Variants in ZFHX3 observed in about 807,000 individuals in gnomAD.
ZFHX3 encodes the protein zinc finger homeobox protein 3.
In ZFHX3, 42 loss-of-function variants were observed where a neutral mutation model predicts 279.1. The observed-to-expected ratio is 0.15, with a 90% CI of 0.12 to 0.19. The LOEUF is 0.19. Among genes scored for constraint, ZFHX3 ranks in the 10% least tolerant of loss-of-function variants. ZFHX3 has a pLI of 1.00. For missense variants in ZFHX3, 4,981 were observed against 4,754.0 expected (o/e 1.05, Z -1.40); for synonymous variants, 2,293 against 1,957.8 (o/e 1.17, Z -4.52).
At chr16:73,327,222 C>G (rs12919785) in intron 3 of ZFHX3, among the ~76,000 whole-genome samples, 1 of 151,990 alleles carries the variant, frequency 6.6e-6, no homozygotes, top group Non-Finnish European at 1.5e-5. Flanking sequence ...CTCTTATGCA[C>G]GTAGAACAGG....
intron 1 of ZFHX3, among the ~76,000 whole-genome samples, chr16:72,984,802 A>C (rs1178514031): frequency 6.6e-6 from 1 of 152,066 alleles, no homozygotes; most frequent in African/African-American, 2.4e-5. Flanking sequence ...TATCGTGTGC[A>C]AGCTCACCCC....
intron 1 of ZFHX3, among the ~76,000 whole-genome samples, chr16:73,716,641 ACACACACAC>A (rs1597079437): frequency 8.1e-4 from 113 of 138,674 alleles, no homozygotes; most frequent in South Asian, 2.9e-3. Context: ...ACACACACAC[ACACACACAC>A]GCATGCACGC....
At chr16:73,251,889 C>T (rs1456903086) in intron 5 of ZFHX3, among the ~76,000 whole-genome samples, 254 of 122,618 alleles carry the variant, frequency 2.1e-3, no homozygotes, top group African/African-American at 8.8e-3. Context: ...ACACACCACA[C>T]ACACACCATG....
At chr16:73,485,051 C>T (rs2018949079) in intron 2 of ZFHX3, among the ~76,000 whole-genome samples, 1 of 152,016 alleles carries the variant, frequency 6.6e-6, no homozygotes, top group Admixed American at 6.6e-5. Context: ...ATTTTGTCCT[C>T]CAAAGGGTAA....
At chr16:73,033,632 G>C (rs1964790228) in intron 1 of ZFHX3, among the ~76,000 whole-genome samples, 1 of 152,156 alleles carries the variant, frequency 6.6e-6, no homozygotes, top group Non-Finnish European at 1.5e-5. Context: ...CCAGCGCCGG[G>C]GCCCCTTCCA....
upstream of ZFHX3, chr16:73,061,337 A>C (rs1965680661): frequency 6.7e-6 from 1 of 148,982 alleles, no homozygotes; most frequent in Non-Finnish European, 1.5e-5. Flanking sequence ...ACTCTCTAGG[A>C]GCCTGCAAAG....
chr16:73,778,236 T>TAAAAAAAAAAAAAAAA (rs10654824), intron 1 of ZFHX3, among the ~76,000 whole-genome samples: 2 of 58,706 alleles, frequency 3.4e-5, no homozygotes, highest in Non-Finnish European at 2.8e-5. Flanking sequence ...GAAGGAGTGT[T>TAAAAAAAAAAAAAAAA]AAAAAAAAAA....
chr16:73,456,172 GCAATCTCT>G (rs2018367904), exon 3 of ZFHX3: 1 of 152,010 alleles, frequency 6.6e-6, no homozygotes, highest in South Asian at 2.1e-4. Context: ...AGGATGTCCC[GCAATCTCT>G]CATATGTTCA....
intron 4 of ZFHX3, among the ~76,000 whole-genome samples, chr16:72,861,627 C>A (rs1169192463): frequency 1.3e-5 from 2 of 152,170 alleles, no homozygotes; most frequent in African/African-American, 4.8e-5. Context: ...GAGAAAAATT[C>A]TATCTGAAAA....
intron 3 of ZFHX3, among the ~76,000 whole-genome samples, chr16:73,353,052 G>T (rs2016276667): frequency 6.6e-6 from 1 of 152,138 alleles, no homozygotes; most frequent in Non-Finnish European, 1.5e-5. Flanking sequence ...GTTCCAGGGG[G>T]AATCCACACA....
intron 3 of ZFHX3, among the ~76,000 whole-genome samples, chr16:72,904,902 G>A (rs377436356): frequency 7.2e-5 from 11 of 152,236 alleles, no homozygotes; most frequent in Middle Eastern, 3.4e-3. Context: ...TGCCATCTTG[G>A]CTCACTGCAA....
At chr16:73,052,338 A>AT (rs10713711), upstream of ZFHX3, among the ~76,000 whole-genome samples, 295 of 146,966 alleles carry the variant, frequency 2.0e-3, no homozygotes, top group Middle Eastern at 3.5e-3. Flanking sequence ...GTTGGAGTTT[A>AT]TTTTTTTTTT....
intron 1 of ZFHX3, among the ~76,000 whole-genome samples, chr16:73,753,986 A>ATGTGTGTGTG (rs1310925312): frequency 0.013 from 1,880 of 147,398 alleles, 22 homozygotes; most frequent in South Asian, 0.033. Flanking sequence ...GTAAGAATCA[A>ATGTGTGTGTG]TGTGTGTGTG....
At chr16:73,302,660 C>G (rs1312015214) in intron 4 of ZFHX3, among the ~76,000 whole-genome samples, 2 of 152,176 alleles carry the variant, frequency 1.3e-5, no homozygotes, top group Non-Finnish European at 2.9e-5. Context: ...ACTTAGCTTT[C>G]TCCCCTTTTG....
chr16:73,465,800 G>T (rs1402175272), intron 2 of ZFHX3, among the ~76,000 whole-genome samples: 1 of 152,124 alleles, frequency 6.6e-6, no homozygotes, highest in East Asian at 1.9e-4. Context: ...AGATCAGGTG[G>T]ATAAGAAAAT....
chr16:73,631,748 T>C (rs1278335568), intron 2 of ZFHX3, among the ~76,000 whole-genome samples: 1 of 151,936 alleles, frequency 6.6e-6, no homozygotes, highest in Non-Finnish European at 1.5e-5. Context: ...GTATAAAAAA[T>C]ATACAAAAAT....
chr16:73,807,318 T>A (rs1481011943), intron 1 of ZFHX3, among the ~76,000 whole-genome samples: 1 of 152,162 alleles, frequency 6.6e-6, no homozygotes, highest in Non-Finnish European at 1.5e-5. Context: ...CCTTCTTCCC[T>A]CCTTTCTTCC....
Position 73,472,080 on chromosome 16 carries a change from C to G in ZFHX3, c.-1546-15822G>C, listed in dbSNP as rs942501139. ...GAAGCCTATCATTCCTCCTAATAGT[C>G]TTTTGGTTTTGATTTAAAGATCTAC... On this transcript the variant is annotated intron_variant, in intron 2 of 17. Coordinates refer to the ZFHX3 transcript ENST00000641206. 2.0e-5 allele frequency among the ~76,000 whole-genome samples: 3 copies of G among 152,038 alleles called. No homozygotes were observed. In the South Asian group the frequency reaches 6.2e-4, roughly 32 times the overall value.
At chr16:73,731,651 A>G (rs900299759) in intron 1 of ZFHX3, among the ~76,000 whole-genome samples, 1 of 152,162 alleles carries the variant, frequency 6.6e-6, no homozygotes, top group Non-Finnish European at 1.5e-5. Context: ...TCGGGGTGAA[A>G]AAAAACCCAT....
Sources: gnomAD v4.1 joint callset for allele counts (sites outside exome capture counted in the v4.1 genomes callset) on GRCh38, gnomAD v4.1.1 for gene constraint, MANE v1.5 for transcripts, NCBI Gene and HGNC (gene_info 2026-07-23, HGNC 2026-07-21) for gene names.